Variants in ATP2C2 observed in about 807,000 individuals in gnomAD.
ATP2C2 encodes calcium-transporting ATPase type 2C member 2.
Under a neutral mutation model 110.8 loss-of-function variants are expected in ATP2C2, and 171 were observed. The observed-to-expected ratio is 1.54, with a 90% CI of 1.36 to 1.75. The LOEUF is 1.75. Ranked by LOEUF, ATP2C2 falls within the 40% of genes most tolerant of loss-of-function variation. The pLI is 0.00. For missense variants in ATP2C2, 1,963 were observed against 1,235.0 expected (o/e 1.59, Z -8.84); for synonymous variants, 804 against 508.4 (o/e 1.58, Z -7.82).
At chr16:84,427,823 G>T (rs1907932567) in intron 11 of ATP2C2, among the ~76,000 whole-genome samples, 1 of 152,166 alleles carries the variant, frequency 6.6e-6, no homozygotes. Context: ...TAACAGTTAT[G>T]GGGTTTCCTT....
intron 7 of ATP2C2, among the ~76,000 whole-genome samples, chr16:84,416,762 C>T (rs1460890462): frequency 6.6e-6 from 1 of 152,156 alleles, no homozygotes; most frequent in African/African-American, 2.4e-5. Context: ...GTGGCCCCCG[C>T]CTCTCCCCGT....
intron 7 of ATP2C2, among the ~76,000 whole-genome samples, chr16:84,418,936 C>T (rs1033423940): frequency 1.1e-4 from 17 of 152,088 alleles, no homozygotes; most frequent in South Asian, 4.2e-4. Flanking sequence ...GGTCCAGGCG[C>T]GGTGGCTCAC....
chr16:84,388,098 G>A (rs1421476589), intron 1 of ATP2C2, among the ~76,000 whole-genome samples: 26 of 152,202 alleles, frequency 1.7e-4, no homozygotes, highest in Admixed American at 1.2e-3. Flanking sequence ...TTGGGAGGCC[G>A]AGGTGGGTAG....
intron 1 of ATP2C2, among the ~76,000 whole-genome samples, chr16:84,387,926 A>G (rs1470853941): frequency 3.4e-5 from 5 of 145,230 alleles, no homozygotes; most frequent in Non-Finnish European, 4.5e-5. Flanking sequence ...TCCCATGCCT[A>G]TTTTTTTTTT....
chr16:84,462,087 C>A lies in ATP2C2; in HGVS notation c.2680C>A (p.Pro894Thr). Residue 894 changes from proline (P) to threonine (T), a missense_variant, in exon 26 of 27, where the codon CCG (proline) becomes ACG (threonine). Pro to Thr is a conservative substitution (Grantham distance 38, BLOSUM62 -1). Transcript: ENST00000262429. The stretch of plus-strand genomic sequence containing the variant: ...GCAGCTGGCGGTCATTTACATCCCC[C>A]CGCTGCAGAGGGTCTTCCAGACGGA... ...LGQLAVIYIP[P>T]LQRVFQTENL... 1 of 1,614,016 alleles carries A rather than the reference C, an allele frequency of 6.2e-7. No individual in the cohort carries two copies. Among genetic ancestry groups the A allele is most frequent in the Non-Finnish European group, 8.5e-7 (1 of 1,179,954 alleles).
At chr16:84,454,100 C>G (rs1180925238) in intron 20 of ATP2C2, among the ~76,000 whole-genome samples, 1 of 152,194 alleles carries the variant, frequency 6.6e-6, no homozygotes, top group Admixed American at 6.5e-5. Flanking sequence ...CTTCGCCTCC[C>G]AAAGTGCTGG....
chr16:84,411,633 G>A (rs1208507847), intron 6 of ATP2C2, among the ~76,000 whole-genome samples: 1 of 152,142 alleles, frequency 6.6e-6, no homozygotes, highest in Non-Finnish European at 1.5e-5. Flanking sequence ...GTAGAGGTGG[G>A]GTTTCGCCAC....
At chr16:84,387,850 G>T (rs1307958429) in intron 1 of ATP2C2, among the ~76,000 whole-genome samples, 1 of 152,116 alleles carries the variant, frequency 6.6e-6, no homozygotes, top group African/African-American at 2.4e-5. Flanking sequence ...ACTTTGGGAA[G>T]CTGAGGTGGT....
At chr16:84,404,253 C>T (rs1597773106) in intron 2 of ATP2C2, among the ~76,000 whole-genome samples, 1 of 152,204 alleles carries the variant, frequency 6.6e-6, no homozygotes, top group Non-Finnish European at 1.5e-5. Context: ...GGTCTTAAGA[C>T]CCACAGTCAG....
chr16:84,415,609 C>T lies in ATP2C2; in HGVS notation c.624+18C>T. 2.5e-6 allele frequency: 4 copies of T among 1,589,146 alleles called. No individual in the cohort carries two copies. The South Asian group carries it at 3.4e-5, about 13-fold the overall frequency. On this transcript the variant is annotated intron_variant, in intron 7 of 26. Transcript: ENST00000262429. ...TCACTGAGGTGAGTGGTTCCAAACC[C>T]TTGTCAATGGGGTATTTGATGGAGC...
chr16:84,447,843 AATATT>A lies in ATP2C2; in HGVS notation c.1504-684_1504-680del, dbSNP rs1597857091. Among the ~76,000 whole-genome samples the A allele has an allele frequency of 4.3e-5, 5 of 117,426 alleles. No individual in the cohort carries two copies. In the East Asian group the frequency reaches 1.1e-3, roughly 26 times the overall value. 77.0% of individuals were successfully genotyped at this position (117,426 alleles called of 152,430 possible). A position where few individuals can be genotyped will look rare whatever the true frequency, so the allele number is the denominator to read the frequency against. ...AATTAATGTATTAACATCTGTAATT[AATATT>A]ATATTTATTAATAACATTAATATGT... On this transcript the variant is annotated intron_variant, in intron 16 of 26. Transcript: ENST00000262429.
rs368755380 is a variant in ATP2C2 at position 84,378,399 on chromosome 16, T to G, written c.99+9685T>G. Among the ~76,000 whole-genome samples, 9 of 152,250 alleles carry G rather than the reference T, an allele frequency of 5.9e-5. No homozygotes were observed. In the South Asian group the frequency reaches 1.7e-3, roughly 28 times the overall value. ...TGTCCTGGTGTGAAAGTGGAGGTGT[T>G]GGGTGCAAGAATGGAGGGCAGCATT... On this transcript the variant is annotated intron_variant, in intron 1 of 26. Transcript: ENST00000262429.
At chr16:84,415,407 C>T (rs1000356998) in intron 6 of ATP2C2, 76 bp from the exon 7 acceptor site, 25 of 1,224,486 alleles carry the variant, frequency 2.0e-5, no homozygotes, top group Non-Finnish European at 2.7e-5. Context: ...TTCTATTCTC[C>T]TTGTTCAAAT....
intron 1 of ATP2C2, among the ~76,000 whole-genome samples, chr16:84,390,920 C>T (rs57488684): frequency 0.016 from 2,389 of 152,120 alleles, 66 homozygotes; most frequent in African/African-American, 0.055. Context: ...TTGAGACCAG[C>T]CCGGCCAACA....
At chr16:84,418,510 A>G (rs1419552552) in intron 7 of ATP2C2, among the ~76,000 whole-genome samples, 4 of 152,330 alleles carry the variant, frequency 2.6e-5, no homozygotes, top group East Asian at 1.9e-4. Flanking sequence ...TAACAGGTCT[A>G]TGCTAACCAC....
At chr16:84,446,701 G>C (rs1909783394) in intron 16 of ATP2C2, among the ~76,000 whole-genome samples, 1 of 152,148 alleles carries the variant, frequency 6.6e-6, no homozygotes, top group Non-Finnish European at 1.5e-5. Context: ...CAGAATCTCA[G>C]GTTCCATGCC....
chr16:84,459,825 G>C lies in ATP2C2; in HGVS notation c.2333+439G>C, dbSNP rs781191362. On this transcript the variant is annotated intron_variant, in intron 23 of 26. Coordinates refer to ENST00000262429, the MANE Select transcript of ATP2C2 (RefSeq NM_014861.4). ...GATCTGTCTCCCCTTTAGAACATCA[G>C]TTTCATGGAGGCGGAGTTTGTGTTT... 4.4e-5 allele frequency: 20 copies of C among 452,456 alleles called. 1 individual carries two copies. The highest frequency in any genetic ancestry group is 6.9e-5 in the Non-Finnish European group (17 of 246,438). 28.0% of individuals were successfully genotyped at this position (452,456 alleles called of 1,614,324 possible). A position where few individuals can be genotyped will look rare whatever the true frequency, so the allele number is the denominator to read the frequency against.
intron 11 of ATP2C2, among the ~76,000 whole-genome samples, chr16:84,434,824 A>T (rs897613173): frequency 5.9e-5 from 9 of 152,160 alleles, no homozygotes; most frequent in Non-Finnish European, 1.3e-4. Context: ...GGCCCATTCT[A>T]ATCTTTATTA....
At chr16:84,411,012 C>A (rs1302423578) in intron 6 of ATP2C2, 10 of 550,614 alleles carry the variant, frequency 1.8e-5, no homozygotes, top group South Asian at 1.4e-4. Flanking sequence ...AGCCTGAGGA[C>A]CACAGGTAGC....
Sources: gnomAD v4.1 joint callset for allele counts (sites outside exome capture counted in the v4.1 genomes callset) on GRCh38, gnomAD v4.1.1 for gene constraint, MANE v1.5 for transcripts, NCBI Gene and HGNC (gene_info 2026-07-23, HGNC 2026-07-21) for gene names.